The following CADM1 variants were observed in gnomAD, a reference collection of about 807,000 sequenced individuals.
The protein encoded by CADM1 is TSLC-1.
A neutral mutation model predicts 53.1 loss-of-function variants in CADM1; 15 were observed. The ratio of observed to expected loss-of-function variants is 0.28; its 90% CI spans 0.19 to 0.44. The LOEUF is 0.44. Among genes scored for constraint, CADM1 ranks in the 20% least tolerant of loss-of-function variants. The probability of loss-of-function intolerance (pLI) is 1.00; values close to 1 mark genes in which losing one functional copy is unlikely to be tolerated. For missense variants in CADM1, 434 were observed against 611.3 expected (o/e 0.71, Z 3.06); for synonymous variants, 281 against 243.0 (o/e 1.16, Z -1.45).
At chr11:115,401,533 G>A (rs948311418) in intron 1 of CADM1, among the ~76,000 whole-genome samples, 23 of 152,184 alleles carry the variant, frequency 1.5e-4, no homozygotes, top group Non-Finnish European at 2.6e-4. Context: ...GCTTGAACCC[G>A]GGAGGCGGAG....
chr11:115,249,961 G>C (rs1942537932), intron 1 of CADM1, among the ~76,000 whole-genome samples: 1 of 118,056 alleles, frequency 8.5e-6, no homozygotes, highest in African/African-American at 2.6e-5. Context: ...CTGCAGTGCA[G>C]TAGTGCGATC....
chr11:115,187,677 G>C (rs1377814921), intron 10 of CADM1, among the ~76,000 whole-genome samples: 7 of 152,172 alleles, frequency 4.6e-5, no homozygotes, highest in Non-Finnish European at 8.8e-5. Context: ...CTGACCTCAA[G>C]TGATCCACCC....
intron 1 of CADM1, among the ~76,000 whole-genome samples, chr11:115,356,817 CTTTT>C (rs1244623301): frequency 6.6e-6 from 1 of 151,952 alleles, no homozygotes; most frequent in Admixed American, 6.6e-5. Flanking sequence ...GCTGTAATGG[CTTTT>C]TTAAGAACAC....
chr11:115,241,790 C>A (rs1187538879), intron 1 of CADM1, among the ~76,000 whole-genome samples: 2 of 152,112 alleles, frequency 1.3e-5, no homozygotes, highest in East Asian at 3.9e-4. Context: ...CCTCCCTATG[C>A]AGCTGTTTTA....
At chr11:115,235,317 T>C (rs1460684205) in intron 3 of CADM1, among the ~76,000 whole-genome samples, 1 of 152,168 alleles carries the variant, frequency 6.6e-6, no homozygotes, top group Non-Finnish European at 1.5e-5. Flanking sequence ...AGCTTCACAA[T>C]GTCTACTCTA....
intron 11 of CADM1, among the ~76,000 whole-genome samples, chr11:115,177,407 T>C (rs1001958555): frequency 6.6e-6 from 1 of 152,208 alleles, no homozygotes; most frequent in Non-Finnish European, 1.5e-5. Context: ...GTATGCTATA[T>C]AGGTAGAAGT....
chr11:115,292,444 A>G (rs745620471), intron 1 of CADM1, among the ~76,000 whole-genome samples: 4 of 152,240 alleles, frequency 2.6e-5, no homozygotes, highest in Admixed American at 1.3e-4. Flanking sequence ...ACATGCCTCA[A>G]CTTCCCTAAT....
At chr11:115,381,199 C>T (rs996340974) in intron 1 of CADM1, among the ~76,000 whole-genome samples, 5 of 151,122 alleles carry the variant, frequency 3.3e-5, no homozygotes, top group African/African-American at 1.2e-4. Context: ...GAGGCTGAGG[C>T]AGGAGAATCA....
chr11:115,370,103 C>A, intron 1 of CADM1, among the ~76,000 whole-genome samples: 1 of 152,162 alleles, frequency 6.6e-6, no homozygotes, highest in East Asian at 1.9e-4. Flanking sequence ...TAAATAAGTT[C>A]TTGACACTTC....
rs966441677 is a variant in CADM1, at chr11:115,231,444, C to T, written c.471G>A (p.Val157=). Reference sequence around the variant, plus strand: ...AGTTGACTTCAATCTCCTCACCTTCCACCGCAGTGTCTTTCTGGATATCGA... The same window carrying T: ...AGTTGACTTCAATCTCCTCACCTTCTACCGCAGTGTCTTTCTGGATATCGA... ...LMIDIQKDTA[V]EGEEIEVNCT... The change falls in exon 4 of 12, where the codon GTG becomes GTA. Residue 157 remains valine, a synonymous_variant. Coordinates refer to ENST00000331581, the MANE Select transcript of CADM1 (RefSeq NM_001301043.2). 25 of 1,613,892 alleles carry T rather than the reference C, an allele frequency of 1.5e-5. No individual in the cohort carries two copies. Among genetic ancestry groups the T allele is most frequent in the Non-Finnish European group, 2.0e-5 (24 of 1,179,882 alleles).
At chr11:115,205,474 C>T (rs1033587709) in intron 8 of CADM1, among the ~76,000 whole-genome samples, 2 of 152,156 alleles carry the variant, frequency 1.3e-5, no homozygotes, top group African/African-American at 2.4e-5. Context: ...CACCTCCTCC[C>T]GCCACCCCAG....
chr11:115,392,536 A>G (rs1349971120), intron 1 of CADM1, among the ~76,000 whole-genome samples: 1 of 152,228 alleles, frequency 6.6e-6, no homozygotes, highest in Non-Finnish European at 1.5e-5. Flanking sequence ...AAGAACCTAA[A>G]ACCCTACTGA....
chr11:115,494,251 G>C (rs1433771638), intron 1 of CADM1, among the ~76,000 whole-genome samples: 1 of 151,974 alleles, frequency 6.6e-6, no homozygotes, highest in Non-Finnish European at 1.5e-5. Flanking sequence ...GAAATTTTTT[G>C]AAATAAAAGT....
intron 3 of CADM1, among the ~76,000 whole-genome samples, chr11:115,235,982 A>G (rs535289452): frequency 1.3e-5 from 2 of 152,338 alleles, no homozygotes; most frequent in South Asian, 4.1e-4. Flanking sequence ...ACAAAATATC[A>G]TAGGAGAGTC....
chr11:115,340,633 T>C (rs868606642), intron 1 of CADM1, among the ~76,000 whole-genome samples: 7 of 44,808 alleles, frequency 1.6e-4, no homozygotes, highest in African/African-American at 6.3e-4. Flanking sequence ...ATATTATATA[T>C]ATATATATAT....
chr11:115,384,505 T>C (rs553267851), intron 1 of CADM1, among the ~76,000 whole-genome samples: 2 of 152,288 alleles, frequency 1.3e-5, no homozygotes, highest in Admixed American at 6.5e-5. Flanking sequence ...CAACACAGAA[T>C]CCATTCATTC....
chr11:115,382,656 C>T (rs1483848782), intron 1 of CADM1, among the ~76,000 whole-genome samples: 1 of 152,022 alleles, frequency 6.6e-6, no homozygotes, highest in East Asian at 1.9e-4. Context: ...TTGAATTATC[C>T]AGGAAATCAT....
At chr11:115,478,832 C>T (rs547679617) in intron 1 of CADM1, among the ~76,000 whole-genome samples, 3 of 152,184 alleles carry the variant, frequency 2.0e-5, no homozygotes, top group African/African-American at 7.2e-5. Flanking sequence ...GAAGTCTTCT[C>T]TTGTCAGTAG....
At chr11:115,454,527 T>C (rs1948643731) in intron 1 of CADM1, among the ~76,000 whole-genome samples, 1 of 152,232 alleles carries the variant, frequency 6.6e-6, no homozygotes, top group Non-Finnish European at 1.5e-5. Flanking sequence ...ACGTTCATCC[T>C]CTTAAAAGCT....
Sources: allele counts gnomAD v4.1 joint callset (sites outside exome capture counted in the v4.1 genomes callset), GRCh38; gene constraint gnomAD v4.1.1; transcripts MANE v1.5; gene names NCBI Gene and HGNC (gene_info 2026-07-23, HGNC 2026-07-21).